Variants in CPB2 observed in about 807,000 individuals in gnomAD.
CPB2 encodes carboxypeptidase B2.
In CPB2, 54 loss-of-function variants were observed where a neutral mutation model predicts 57.0. The observed-to-expected ratio is 0.95, with a 90% CI of 0.76 to 1.19. CPB2 has a LOEUF of 1.19. Ranked by LOEUF, CPB2 falls within the 50% of genes most tolerant of loss-of-function variation. The pLI is 0.00. For synonymous variants in CPB2, 189 were observed against 178.1 expected, an observed-to-expected ratio of 1.06 and a Z score of -0.49; for missense variants, 426 against 512.0, an observed-to-expected ratio of 0.83 and a Z score of 1.62.
chr13:46,073,876 G>T lies in CPB2; in HGVS notation c.588C>A (p.Gly196=). ...TTAAGAGAATGTGAATACTTACATG[G>T]CCTATGAACCACAAGCAGAAAGCAG... ...ISPAFCLWFI[G]HITQFYGIIG... is the part of the protein sequence containing the mutation. Residue 196 remains glycine, a synonymous_variant, in exon 6 of 11, where the codon GGC becomes GGA. Transcript: ENST00000181383. 1 of 1,552,916 alleles carries T rather than the reference G, an allele frequency of 6.4e-7. No homozygotes were observed. The highest frequency in any genetic ancestry group is 1.2e-5 in the South Asian group (1 of 84,888).
intron 4 of CPB2, among the ~76,000 whole-genome samples, chr13:46,081,601 A>G (rs1227206420): frequency 6.6e-6 from 1 of 152,228 alleles, no homozygotes; most frequent in Non-Finnish European, 1.5e-5. Flanking sequence ...TATACATAAA[A>G]TTGATTCTCA....
chr13:46,080,752 C>T (rs1264478013), intron 4 of CPB2, among the ~76,000 whole-genome samples: 1 of 152,142 alleles, frequency 6.6e-6, no homozygotes, highest in African/African-American at 2.4e-5. Context: ...GAGCAGATCA[C>T]TTGAGCTCAG....
At chr13:46,087,958 A>G in intron 1 of CPB2, 138 bp from the exon 2 acceptor site, 1 of 594,672 alleles carries the variant, frequency 1.7e-6, no homozygotes, top group Non-Finnish European at 2.9e-6. Flanking sequence ...ATCTTACTAC[A>G]GATTCAGTGT....
intron 8 of CPB2, among the ~76,000 whole-genome samples, chr13:46,062,238 AAAAG>A (rs1278244532): frequency 6.6e-6 from 1 of 152,166 alleles, no homozygotes; most frequent in East Asian, 1.9e-4. Flanking sequence ...ATCAAGCACC[AAAAG>A]AGCTTGAAGA....
intron 4 of CPB2, among the ~76,000 whole-genome samples, chr13:46,082,070 G>A (rs937427510): frequency 2.0e-5 from 3 of 152,250 alleles, no homozygotes; most frequent in Non-Finnish European, 2.9e-5. Context: ...AGCTAATCTG[G>A]TAATTAGTAA....
In CPB2 at chr13:46,067,337, A is replaced by G. The variant is rs2044871765; in HGVS notation, c.672T>C (p.Asn224=). 6.3e-7 allele frequency: 1 copy of G among 1,581,984 alleles called. No individual in the cohort carries two copies. Residue 224 remains asparagine, a synonymous_variant, in exon 7 of 11, where the codon AAT becomes AAC. Coordinates refer to ENST00000181383, the MANE Select transcript of CPB2 (RefSeq NM_001872.5). ...TCCATGAGTAGTCATAACCATCCAC[A>G]TTAACCACTGGCATAACATAGAAAT... is the stretch of plus-strand genomic sequence containing the variant. ...LVDFYVMPVV[N]VDGYDYSWKK... is the part of the protein sequence containing the mutation.
intron 1 of CPB2, among the ~76,000 whole-genome samples, chr13:46,090,746 C>T (rs7329569): frequency 0.35 from 52,923 of 149,446 alleles, 9,475 homozygotes; most frequent in Middle Eastern, 0.4. Flanking sequence ...CTTTTTGAGA[C>T]GGAGTCTCGC....
At chr13:46,095,733 T>C (rs1166658241) in intron 1 of CPB2, among the ~76,000 whole-genome samples, 1 of 152,154 alleles carries the variant, frequency 6.6e-6, no homozygotes, top group Non-Finnish European at 1.5e-5. Context: ...GCTACTGTGC[T>C]CTGAAATCTG....
At position 46,072,570 on chromosome 13, in the gene CPB2, G is replaced by A. The variant is rs533081762; in HGVS notation, c.591+1303C>T. Among the ~76,000 whole-genome samples the A allele has an allele frequency of 4.6e-5, 7 of 152,202 alleles. No individual in the cohort carries two copies. In the East Asian group the frequency reaches 1.4e-3, roughly 29 times the overall value. Reference sequence around the variant, plus strand: ...TATTTCCAGGATCTGAAACATCATAGGCAATCTATAAATATTTGTGGATTA... The same window carrying A: ...TATTTCCAGGATCTGAAACATCATAAGCAATCTATAAATATTTGTGGATTA... On this transcript the variant is annotated intron_variant, in intron 6 of 10. Coordinates refer to ENST00000181383, the MANE Select transcript of CPB2 (RefSeq NM_001872.5).
intron 6 of CPB2, among the ~76,000 whole-genome samples, chr13:46,068,379 A>C (rs2139366187): frequency 6.6e-6 from 1 of 152,320 alleles, no homozygotes; most frequent in Middle Eastern, 3.4e-3. Flanking sequence ...TAGAACAATC[A>C]CAAGAGTCAC....
intron 10 of CPB2, 111 bp from the exon 11 acceptor site, chr13:46,053,909 C>A: frequency 9.7e-7 from 1 of 1,031,296 alleles, no homozygotes; most frequent in South Asian, 1.7e-5. Flanking sequence ...AGATTTTTTT[C>A]AGTTTTTAAC....
chr13:46,085,546 C>G (rs1285614622), intron 2 of CPB2, among the ~76,000 whole-genome samples: 2 of 152,160 alleles, frequency 1.3e-5, no homozygotes, highest in Non-Finnish European at 2.9e-5. Context: ...ACTGACCTAG[C>G]CCAGCCTTCT....
intron 5 of CPB2, 25 bp downstream of exon 5, chr13:46,078,775 A>G (rs1386855922): frequency 1.4e-6 from 2 of 1,438,460 alleles, no homozygotes; most frequent in Non-Finnish European, 2.0e-6. Context: ...ACAGTGAAAG[A>G]TCAACAACTT....
intron 7 of CPB2, among the ~76,000 whole-genome samples, chr13:46,066,614 G>C (rs1468666274): frequency 2.0e-5 from 3 of 152,184 alleles, no homozygotes; most frequent in African/African-American, 4.8e-5. Flanking sequence ...GGAGGCCGAG[G>C]CAGGTGCATC....
chr13:46,072,954 G>A (rs2044965564), intron 6 of CPB2, among the ~76,000 whole-genome samples: 1 of 152,152 alleles, frequency 6.6e-6, no homozygotes, highest in African/African-American at 2.4e-5. Context: ...AGTACCAATG[G>A]TGTTTGGGAA....
intron 1 of CPB2, among the ~76,000 whole-genome samples, chr13:46,090,049 T>G (rs2045268651): frequency 6.6e-6 from 1 of 152,214 alleles, no homozygotes; most frequent in African/African-American, 2.4e-5. Flanking sequence ...TCTATTGATA[T>G]ATTTGTCTAC....
At chr13:46,061,329 C>T (rs939335021) in intron 8 of CPB2, among the ~76,000 whole-genome samples, 17 of 152,204 alleles carry the variant, frequency 1.1e-4, no homozygotes, top group African/African-American at 3.9e-4. Flanking sequence ...GTGGTGCTAT[C>T]TTAGGAAGTT....
intron 6 of CPB2, among the ~76,000 whole-genome samples, chr13:46,068,124 C>T (rs1277436250): frequency 6.6e-6 from 1 of 152,164 alleles, no homozygotes. Context: ...CTGGTCAAAT[C>T]GTTTCATCTA....
intron 6 of CPB2, among the ~76,000 whole-genome samples, chr13:46,068,240 G>A (rs1207004118): frequency 6.6e-6 from 1 of 152,026 alleles, no homozygotes; most frequent in African/African-American, 2.4e-5. Flanking sequence ...ATAATTGTTT[G>A]TTGCCTTAAA....
Sources: gnomAD v4.1 joint callset for allele counts (sites outside exome capture counted in the v4.1 genomes callset) on GRCh38, gnomAD v4.1.1 for gene constraint, MANE v1.5 for transcripts, NCBI Gene and HGNC (gene_info 2026-07-23, HGNC 2026-07-21) for gene names.